Variants in TNRC18 observed in about 807,000 individuals in gnomAD.
TNRC18 encodes trinucleotide repeat-containing gene 18 protein.
TNRC18 carries 69 observed loss-of-function variants against 226.7 expected under a neutral mutation model. The observed-to-expected ratio is 0.30, with a 90% CI of 0.25 to 0.37. The LOEUF (loss-of-function observed/expected upper bound fraction) is 0.37, where lower values mean the gene tolerates loss of function less well. Among genes scored for constraint, TNRC18 ranks in the 10% least tolerant of loss-of-function variants. The probability of loss-of-function intolerance (pLI) is 1.00; values close to 1 mark genes in which losing one functional copy is unlikely to be tolerated. For missense variants in TNRC18, 4,754 were observed against 4,256.6 expected, an observed-to-expected ratio of 1.12 and a Z score of -3.25; for synonymous variants, 2,449 against 1,927.6, an observed-to-expected ratio of 1.27 and a Z score of -7.09.
At chr7:5,374,535 C>G (rs1016217432) in intron 9 of TNRC18, 51 bp from the exon 10 acceptor site, 22 of 1,505,816 alleles carry the variant, frequency 1.5e-5, no homozygotes, top group Non-Finnish European at 1.8e-5. Context: ...TTCCCCCTCC[C>G]CGACGCCCGC....
At chr7:5,367,496 C>T (rs773861022) in intron 11 of TNRC18, among the ~76,000 whole-genome samples, 60 of 151,296 alleles carry the variant, frequency 4.0e-4, no homozygotes, top group Non-Finnish European at 7.4e-4. Context: ...GGTACCATCT[C>T]GGCTCACTGC....
At position 5,308,127 on chromosome 7, in the gene TNRC18, G is replaced by A. The variant is rs891295219; in HGVS notation, c.8886C>T (p.Asp2962=). The change falls in exon 30 of 30, where the codon GAC becomes GAT. Residue 2962 remains aspartate (D), a synonymous_variant. Coordinates refer to ENST00000430969, the MANE Select transcript of TNRC18 (RefSeq NM_001080495.3). ...EPTTGMIFST[D]GVPVLC is the part of the protein sequence containing the mutation. ...GGGCTCAGCAGAGCACGGGCACGCC[G>A]TCCGTGGAGAAGATCATGCCCGTGG... 44 of 1,555,588 alleles carry A rather than the reference G, an allele frequency of 2.8e-5. No individual in the cohort carries two copies. The highest frequency in any genetic ancestry group is 9.7e-5 in the Admixed American group (5 of 51,584).
Position 5,342,734 on chromosome 7 carries a change from A to G in TNRC18, c.5719+2828T>C, listed in dbSNP as rs114157102. Among the ~76,000 whole-genome samples the G allele has an allele frequency of 9.6e-3, 1,465 of 152,360 alleles. 26 individuals carry two copies. The highest frequency in any genetic ancestry group is 0.034 in the African/African-American group (1,398 of 41,574). On this transcript the variant is annotated intron_variant, in intron 18 of 29. Transcript: ENST00000430969. ...TTAGAATATTGCACAAGCTTAGCCG[A>G]TAAAGCAGCAGCAGGGTTTGAGAGG...
At chr7:5,344,358 T>C (rs914499345) in intron 18 of TNRC18, among the ~76,000 whole-genome samples, 14 of 152,178 alleles carry the variant, frequency 9.2e-5, no homozygotes, top group Admixed American at 3.3e-4. Context: ...ACCCTCCAGC[T>C]GCTTCTGTAT....
intron 11 of TNRC18, among the ~76,000 whole-genome samples, chr7:5,365,039 G>A (rs558665822): frequency 7.2e-5 from 11 of 152,054 alleles, no homozygotes; most frequent in Non-Finnish European, 8.8e-5. Flanking sequence ...GGGCGGGGGC[G>A]GAAGGGCAGC....
At chr7:5,314,509 C>G (rs1222110592) in intron 26 of TNRC18, among the ~76,000 whole-genome samples, 1 of 151,458 alleles carries the variant, frequency 6.6e-6, no homozygotes, top group Non-Finnish European at 1.5e-5. Flanking sequence ...GCCTCAGTTT[C>G]CTCATCTGTC....
chr7:5,334,170 C>T (rs895740165), intron 18 of TNRC18, among the ~76,000 whole-genome samples: 1 of 152,226 alleles, frequency 6.6e-6, no homozygotes, highest in Non-Finnish European at 1.5e-5. Flanking sequence ...GCCTACTGAC[C>T]CCGGGGGGCA....
At position 5,308,007 on chromosome 7, in the gene TNRC18, C is replaced by G. The variant is rs565491517; in HGVS notation, c.*99G>C. The G allele has an allele frequency of 1.2e-3, 1,395 of 1,156,680 alleles. 7 individuals carry two copies. Among genetic ancestry groups the G allele is most frequent in the Non-Finnish European group, 1.3e-3 (1,103 of 819,356 alleles). 71.7% of individuals were successfully genotyped at this position (1,156,680 alleles called of 1,614,324 possible). The stretch of plus-strand genomic sequence containing the variant: ...CCATGCACACGCCTGCAGGAGCGCT[C>G]GCATGCACACAACGCACGTGGTCTC... On this transcript the variant is annotated 3_prime_UTR_variant, in exon 30 of 30. Transcript: ENST00000430969.
chr7:5,387,960 C>T lies in TNRC18; in HGVS notation c.1864G>A (p.Glu622Lys). The change falls in exon 5 of 30, where the codon GAG becomes AAG. Residue 622 changes from glutamate (E) to lysine (K), a missense_variant. Glu to Lys is a moderately conservative substitution (Grantham distance 56). Transcript: ENST00000430969. Reference sequence around the variant, plus strand: ...GCACCCGCAGAGGTGGGCGCAGGCTCGGGTTTCATGGTGCCCAAACCTCCA... The same window carrying T: ...GCACCCGCAGAGGTGGGCGCAGGCTTGGGTTTCATGGTGCCCAAACCTCCA... ...PFGGLGTMKP[E>K]PAPTSAGASR... is the part of the protein sequence containing the mutation. 1 of 1,597,564 alleles carries T rather than the reference C, an allele frequency of 6.3e-7. No homozygotes were observed. Among genetic ancestry groups the T allele is most frequent in the East Asian group, 2.3e-5 (1 of 44,102 alleles).
chr7:5,387,574 T>G, intron 5 of TNRC18, 98 bp downstream of exon 5: 1 of 1,492,628 alleles, frequency 6.7e-7, no homozygotes, highest in Non-Finnish European at 9.0e-7. Context: ...TTATAAAGAC[T>G]TAGCAATAGC....
In TNRC18 at chr7:5,309,516, C is replaced by T. The variant is rs1356761600; in HGVS notation, c.8389-148G>A. 9 of 680,630 alleles carry T rather than the reference C, an allele frequency of 1.3e-5. No homozygotes were observed. The highest frequency in any genetic ancestry group is 4.1e-4 in the Middle Eastern group (1 of 2,442). 42.2% of individuals were successfully genotyped at this position (680,630 alleles called of 1,614,324 possible). A position where few individuals can be genotyped will look rare whatever the true frequency, so the allele number is the denominator to read the frequency against. On this transcript the variant is annotated intron_variant, in intron 27 of 29. Coordinates refer to ENST00000430969, the MANE Select transcript of TNRC18 (RefSeq NM_001080495.3). The surrounding 1 kb of genome is among the most constrained non-coding windows in gnomAD (Gnocchi z 5.7). ...GGGGAGATGAGGAAGCTCCTTGTCT[C>T]GCTTCAAGTGGGGAAGCCCCTCTTC...
At chr7:5,414,143 C>T (rs1416482436) in intron 2 of TNRC18, among the ~76,000 whole-genome samples, 2 of 151,782 alleles carry the variant, frequency 1.3e-5, no homozygotes, top group Non-Finnish European at 2.9e-5. Flanking sequence ...GATGGGATTT[C>T]ACCATGTTGG....
At chr7:5,399,237 G>A (rs948121528) in intron 2 of TNRC18, among the ~76,000 whole-genome samples, 1 of 152,090 alleles carries the variant, frequency 6.6e-6, no homozygotes, top group Non-Finnish European at 1.5e-5. Flanking sequence ...AGAGCTCACT[G>A]GCCTCTCGAA....
intron 18 of TNRC18, among the ~76,000 whole-genome samples, chr7:5,336,016 G>C (rs967371755): frequency 3.9e-5 from 6 of 151,948 alleles, no homozygotes; most frequent in African/African-American, 1.5e-4. Context: ...AGACCAGCCT[G>C]GCCAACATGG....
At chr7:5,414,393 C>T (rs1418639895) in intron 2 of TNRC18, among the ~76,000 whole-genome samples, 3 of 151,488 alleles carry the variant, frequency 2.0e-5, no homozygotes, top group South Asian at 2.1e-4. Context: ...GTCCCTTGCC[C>T]GTAAACATTT....
rs867889757 is a variant in TNRC18, at chr7:5,377,277, G to C, written c.2461+94C>G. 3 of 1,327,324 alleles carry C rather than the reference G, an allele frequency of 2.3e-6. No individual in the cohort carries two copies. Among genetic ancestry groups the C allele is most frequent in the Non-Finnish European group, 2.0e-6 (2 of 988,802 alleles). 82.2% of individuals were successfully genotyped at this position (1,327,324 alleles called of 1,614,324 possible). ...GGCAGGCCCAGGCCCCCCAGGAAAC[G>C]GCAGGCAGGAGCCAGCCCTGAGCTC... On this transcript the variant is annotated intron_variant, in intron 7 of 29. Coordinates refer to ENST00000430969, the MANE Select transcript of TNRC18 (RefSeq NM_001080495.3). This position sits in a 1 kb window ranked among gnomAD's most constrained non-coding sequence, Gnocchi z 5.8.
At chr7:5,403,232 C>G (rs576006214) in intron 2 of TNRC18, among the ~76,000 whole-genome samples, 1 of 151,564 alleles carries the variant, frequency 6.6e-6, no homozygotes, top group African/African-American at 2.4e-5. Flanking sequence ...GTGATCTCAG[C>G]TCACCGCAAC....
chr7:5,390,734 C>A, intron 3 of TNRC18, 106 bp from the exon 4 acceptor site: 2 of 1,348,532 alleles, frequency 1.5e-6, no homozygotes, highest in South Asian at 1.7e-5. Context: ...ACCGCTGGTA[C>A]AGGGCGCCTT....
intron 2 of TNRC18, among the ~76,000 whole-genome samples, chr7:5,418,455 T>C (rs898684690): frequency 2.0e-5 from 3 of 152,114 alleles, no homozygotes; most frequent in African/African-American, 4.8e-5. Context: ...TTGGATGGGA[T>C]TCCTCCCCGG....
Sources: gnomAD v4.1 joint callset for allele counts (sites outside exome capture counted in the v4.1 genomes callset) on GRCh38, gnomAD v4.1.1 for gene constraint, Gnocchi (gnomAD v3.1) non-coding constraint, MANE v1.5 for transcripts, NCBI Gene and HGNC (gene_info 2026-07-23, HGNC 2026-07-21) for gene names.